The following DCDC1 variants were observed in gnomAD, a reference collection of about 807,000 sequenced individuals.
DCDC1 encodes doublecortin domain-containing protein 1.
In DCDC1, 200 loss-of-function variants were observed where a neutral mutation model predicts 178.3. The ratio of observed to expected loss-of-function variants is 1.12; its 90% CI spans 1.00 to 1.26. The LOEUF is 1.26. Ranked by LOEUF, DCDC1 falls within the 50% of genes most tolerant of loss-of-function variation. The pLI is 0.00. For synonymous variants in DCDC1, 690 were observed against 604.8 expected (o/e 1.14, Z -2.07); for missense variants, 1,983 against 1,749.2 (o/e 1.13, Z -2.38).
intron 9 of DCDC1, among the ~76,000 whole-genome samples, chr11:31,224,965 T>C (rs1252951560): frequency 6.6e-6 from 1 of 152,174 alleles, no homozygotes; most frequent in Non-Finnish European, 1.5e-5. Flanking sequence ...CTTAAAGAAC[T>C]GAAAGTATAA....
intron 13 of DCDC1, among the ~76,000 whole-genome samples, chr11:31,104,953 G>A (rs1184004448): frequency 1.3e-5 from 2 of 151,916 alleles, no homozygotes; most frequent in East Asian, 3.8e-4. Flanking sequence ...CAAAATAGAA[G>A]CGGACATCGG....
intron 17 of DCDC1, among the ~76,000 whole-genome samples, chr11:31,084,556 T>C (rs534206233): frequency 1.3e-5 from 2 of 152,194 alleles, no homozygotes; most frequent in South Asian, 4.1e-4. Context: ...CTATTTTGGC[T>C]CCACCTTGGA....
At chr11:30,908,367 C>A (rs187727643) in intron 29 of DCDC1, among the ~76,000 whole-genome samples, 2 of 152,076 alleles carry the variant, frequency 1.3e-5, no homozygotes, top group East Asian at 1.9e-4. Context: ...GAAAATGGAG[C>A]CAGACTACGC....
At chr11:31,034,824 TTGTTAA>T (rs1427623059) in intron 20 of DCDC1, among the ~76,000 whole-genome samples, 1 of 152,218 alleles carries the variant, frequency 6.6e-6, no homozygotes. Context: ...ATTGGCATTT[TTGTTAA>T]TGACTACTTT....
At chr11:31,359,388 A>G (rs1210150585) in intron 1 of DCDC1, among the ~76,000 whole-genome samples, 1 of 145,606 alleles carries the variant, frequency 6.9e-6, no homozygotes, top group African/African-American at 2.5e-5. Flanking sequence ...GAACAATGAG[A>G]ACACATGGAC....
intron 4 of DCDC1, 112 bp from the exon 5 acceptor site, chr11:31,306,500 T>C: frequency 3.5e-6 from 4 of 1,148,538 alleles, no homozygotes; most frequent in Non-Finnish European, 4.5e-6. Context: ...ATTGTTCCTA[T>C]GTATATAAGT....
chr11:30,902,801 C>T (rs1212495943), intron 32 of DCDC1, among the ~76,000 whole-genome samples: 2 of 152,140 alleles, frequency 1.3e-5, no homozygotes, highest in African/African-American at 2.4e-5. Flanking sequence ...AAATCTCATA[C>T]TGAGAAAACT....
intron 38 of DCDC1, among the ~76,000 whole-genome samples, chr11:30,873,035 C>T (rs1941731080): frequency 6.7e-6 from 1 of 149,908 alleles, no homozygotes; most frequent in South Asian, 2.1e-4. Context: ...TATATATATT[C>T]ATGCATATAC....
At chr11:30,894,868 AC>A (rs1944080499) in intron 34 of DCDC1, among the ~76,000 whole-genome samples, 1 of 152,076 alleles carries the variant, frequency 6.6e-6, no homozygotes, top group African/African-American at 2.4e-5. Context: ...ATCTAATAAT[AC>A]CCTGCGAGCA....
At chr11:30,980,311 G>A (rs966473348) in intron 20 of DCDC1, among the ~76,000 whole-genome samples, 1 of 152,132 alleles carries the variant, frequency 6.6e-6, no homozygotes, top group African/African-American at 2.4e-5. Flanking sequence ...GAAACCAAAG[G>A]GAGTGCCCAT....
intron 9 of DCDC1, among the ~76,000 whole-genome samples, chr11:31,223,657 A>C (rs1974551446): frequency 6.6e-6 from 1 of 152,156 alleles, no homozygotes; most frequent in Non-Finnish European, 1.5e-5. Flanking sequence ...AAAATGAATA[A>C]ATTACTGTGT....
intron 20 of DCDC1, among the ~76,000 whole-genome samples, chr11:31,024,213 A>G (rs1953077001): frequency 6.6e-6 from 1 of 151,978 alleles, no homozygotes; most frequent in Admixed American, 6.6e-5. Context: ...GTTTATGTAA[A>G]GGCATTATGT....
intron 20 of DCDC1, among the ~76,000 whole-genome samples, chr11:30,984,116 G>A (rs1950523897): frequency 6.6e-6 from 1 of 152,080 alleles, no homozygotes; most frequent in South Asian, 2.1e-4. Context: ...CAGGTGAAGA[G>A]GTAAAAGGAG....
At chr11:31,014,918 G>A (rs1952391868) in intron 20 of DCDC1, among the ~76,000 whole-genome samples, 1 of 151,434 alleles carries the variant, frequency 6.6e-6, no homozygotes, top group African/African-American at 2.4e-5. Context: ...ATTCATTATG[G>A]CAAGGTTTAA....
chr11:31,228,521 A>G (rs530605862), intron 9 of DCDC1, among the ~76,000 whole-genome samples: 3 of 152,214 alleles, frequency 2.0e-5, no homozygotes, highest in African/African-American at 2.4e-5. Context: ...AGAAATATCA[A>G]TTAAACCCTA....
intron 20 of DCDC1, chr11:30,992,337 G>A (rs547874190): frequency 1.3e-5 from 2 of 152,284 alleles, no homozygotes; most frequent in Admixed American, 6.5e-5. Flanking sequence ...AATAATGACT[G>A]ACAAACCAAG....
At chr11:31,229,099 A>T (rs2616818) in intron 9 of DCDC1, among the ~76,000 whole-genome samples, 105,555 of 151,856 alleles carry the variant, frequency 0.7, 37,689 homozygotes, top group East Asian at 0.96. Flanking sequence ...ACTAAAAAAA[A>T]TTTAATTCAT....
At chr11:30,881,052 G>A in intron 37 of DCDC1, 106 bp downstream of exon 37, 1 of 1,266,580 alleles carries the variant, frequency 7.9e-7, no homozygotes, top group Non-Finnish European at 1.1e-6. Flanking sequence ...TGCTTGGGAG[G>A]GGATAATTAT....
chr11:30,987,854 A>T (rs914473309), intron 20 of DCDC1, among the ~76,000 whole-genome samples: 2 of 151,980 alleles, frequency 1.3e-5, no homozygotes, highest in African/African-American at 2.4e-5. Context: ...AGTGTATTTT[A>T]TGTGTGGCTC....
Sources: allele counts gnomAD v4.1 joint callset (sites outside exome capture counted in the v4.1 genomes callset), GRCh38; gene constraint gnomAD v4.1.1; transcripts MANE v1.5; gene names NCBI Gene and HGNC (gene_info 2026-07-23, HGNC 2026-07-21).